The following REST variants were observed in gnomAD, a reference collection of about 807,000 sequenced individuals.
REST encodes the protein RE1 silencing transcription factor, also known as RE1-silencing transcription factor.
Under a neutral mutation model 30.4 loss-of-function variants are expected in REST, and 1 was observed. That is an observed-to-expected ratio of 0.03 (90% CI 0.01 to 0.16). The LOEUF is 0.16. Ranked by LOEUF, REST falls within the 10% of genes least tolerant of loss-of-function variation. REST has a pLI of 1.00. For synonymous variants in REST, 504 were observed against 451.1 expected, an observed-to-expected ratio of 1.12 and a Z score of -1.49; for missense variants, 1,259 against 1,329.5, an observed-to-expected ratio of 0.95 and a Z score of 0.82.
In REST at chr4:56,935,477, C is replaced by G. The variant is rs1458340384; in HGVS notation, c.*3325C>G. The G allele has an allele frequency of 6.6e-6, 1 of 152,166 alleles. No homozygotes were observed. Among genetic ancestry groups the G allele is most frequent in the Non-Finnish European group, 1.5e-5 (1 of 68,030 alleles). The allele number at this position is 152,166 out of a possible 1,614,324, so 9.4% of individuals were successfully genotyped here. ...TTCACATGTGTACATAGGTTCCCTC[C>G]CGGTCCCTTCCATATCCATTAGTTA... On this transcript the variant is annotated 3_prime_UTR_variant, in exon 4 of 4. Coordinates refer to ENST00000309042, the MANE Select transcript of REST (RefSeq NM_005612.5).
Position 56,931,768 on chromosome 4 carries a change from T to G in REST, c.2910T>G (p.Val970=), listed in dbSNP as rs1324999985. Residue 970 remains valine, a synonymous_variant, in exon 4 of 4, where the codon GTT becomes GTG. Transcript: ENST00000309042. ...TAAATTCAACAGTTGAAGAACCAGT[T>G]TCACCAATGCTTCCCCCTTCAGCAG... is the stretch of plus-strand genomic sequence containing the variant. The part of the protein sequence containing the change: ...TGINSTVEEP[V]SPMLPPSAVE... 1.2e-6 allele frequency: 2 copies of G among 1,614,208 alleles called. No homozygotes were observed. The highest frequency in any genetic ancestry group is 1.7e-6 in the Non-Finnish European group (2 of 1,180,036).
At chr4:56,928,093 A>G (rs1720792245) in intron 3 of REST, among the ~76,000 whole-genome samples, 2 of 152,218 alleles carry the variant, frequency 1.3e-5, no homozygotes, top group Non-Finnish European at 2.9e-5. Context: ...TGGAGGGAGT[A>G]TGGGAATTTT....
intron 3 of REST, among the ~76,000 whole-genome samples, chr4:56,929,393 T>G (rs1720862046): frequency 6.6e-6 from 1 of 152,220 alleles, no homozygotes. Context: ...GCTCAAGCAG[T>G]CCTTCTGCCA....
chr4:56,929,243 G>C (rs192518633), intron 3 of REST, among the ~76,000 whole-genome samples: 1 of 151,188 alleles, frequency 6.6e-6, no homozygotes, highest in Non-Finnish European at 1.5e-5. Flanking sequence ...AATTTTTTTT[G>C]TATTTTTAGT....
At position 56,931,599 on chromosome 4, in the gene REST, A is replaced by G. The variant is rs751463729; in HGVS notation, c.2741A>G (p.Asn914Ser). 20 of 1,614,234 alleles carry G rather than the reference A, an allele frequency of 1.2e-5. No individual in the cohort carries two copies. The highest frequency in any genetic ancestry group is 3.3e-4 in the Middle Eastern group (2 of 6,062). The change falls in exon 4 of 4, where the codon AAC (asparagine) becomes AGC (serine). Residue 914 changes from asparagine (N) to serine (S), a missense_variant. Coordinates refer to ENST00000309042, the MANE Select transcript of REST (RefSeq NM_005612.5). The part of the protein sequence containing the change: ...ESLPGLAANI[N>S]ESTHISSSGQ... ...CTACCTGGTCTTGCTGCTAATATCAACGAATCTACCCATATTTCATCCTCT... is the reference window on the plus strand; with the variant it reads ...CTACCTGGTCTTGCTGCTAATATCAGCGAATCTACCCATATTTCATCCTCT...
At chr4:56,912,844 C>A (rs1719996839) in intron 2 of REST, among the ~76,000 whole-genome samples, 1 of 151,938 alleles carries the variant, frequency 6.6e-6, no homozygotes, top group Non-Finnish European at 1.5e-5. Context: ...TGGGGTTTTG[C>A]CATATTGGCC....
At chr4:56,909,007 G>GGCGGTCGGAGAAGCCCGGAC in intron 1 of REST, 1 of 152,064 alleles carries the variant, frequency 6.6e-6, no homozygotes, top group Non-Finnish European at 1.5e-5. Context: ...GGGGCCCGGG[G>GGCGGTCGGAGAAGCCCGGAC]GCGGTCGGAG....
At chr4:56,928,995 C>T (rs929048813) in intron 3 of REST, among the ~76,000 whole-genome samples, 4 of 151,938 alleles carry the variant, frequency 2.6e-5, no homozygotes, top group African/African-American at 9.7e-5. Flanking sequence ...AATTCCTGGG[C>T]TTAAGCGGTC....
rs1232885076 is a variant in REST at position 56,931,481 on chromosome 4, G to T, written c.2623G>T (p.Glu875Ter). The change falls in exon 4 of 4, where the codon GAG (glutamate) becomes TAG (stop). Residue 875 changes from glutamate (E) to a stop codon, truncating the protein, a stop_gained. Coordinates refer to ENST00000309042, the MANE Select transcript of REST (RefSeq NM_005612.5). LOFTEE classifies it low-confidence loss of function (END_TRUNC). ...ACTGCCAAAGGAAAATTTAAGAGAA[G>T]AGGCATCAGGAGACCAAAAATTACT... ...PPLPKENLRE[E>*]ASGDQKLLNT... The T allele has an allele frequency of 6.2e-7, 1 of 1,614,146 alleles. No individual in the cohort carries two copies. Among genetic ancestry groups the T allele is most frequent in the Non-Finnish European group, 8.5e-7 (1 of 1,180,028 alleles).
intron 3 of REST, among the ~76,000 whole-genome samples, chr4:56,924,589 C>T (rs144951227): frequency 2.6e-5 from 4 of 150,988 alleles, no homozygotes; most frequent in African/African-American, 7.3e-5. Context: ...TCCCAAGTAG[C>T]TGGGACCACA....
At chr4:56,917,038 G>A (rs1183068596) in intron 2 of REST, among the ~76,000 whole-genome samples, 1 of 151,564 alleles carries the variant, frequency 6.6e-6, no homozygotes, top group Non-Finnish European at 1.5e-5. Context: ...ATCTGTCTTT[G>A]TGATTACAGC....
chr4:56,921,344 C>T (rs1028107732), intron 3 of REST, among the ~76,000 whole-genome samples: 10 of 152,182 alleles, frequency 6.6e-5, no homozygotes, highest in Non-Finnish European at 5.9e-5. Flanking sequence ...GCTTTCGAAA[C>T]ATTAGTAGTT....
chr4:56,924,837 ATGTAT>A (rs959039170), intron 3 of REST, among the ~76,000 whole-genome samples: 25 of 152,076 alleles, frequency 1.6e-4, no homozygotes, highest in African/African-American at 5.3e-4. Context: ...ATTGCTGGTA[ATGTAT>A]TGTATGCCGC....
Position 56,933,547 on chromosome 4 carries a change from C to G in REST, c.*1395C>G, listed in dbSNP as rs1024092988. On this transcript the variant is annotated 3_prime_UTR_variant, in exon 4 of 4. Coordinates refer to ENST00000309042, the MANE Select transcript of REST (RefSeq NM_005612.5). ...CAGATTTTTTAAAATCATACTTTCTCAGGGATCTCCACAAACTGGTGGGTG... is the reference window on the plus strand; with the variant it reads ...CAGATTTTTTAAAATCATACTTTCTGAGGGATCTCCACAAACTGGTGGGTG... The G allele has an allele frequency of 1.3e-5, 2 of 152,146 alleles. No homozygotes were observed. Among genetic ancestry groups the G allele is most frequent in the Non-Finnish European group, 2.9e-5 (2 of 68,016 alleles). 9.4% of individuals were successfully genotyped at this position (152,146 alleles called of 1,614,324 possible). A position where few individuals can be genotyped will look rare whatever the true frequency, so the allele number is the denominator to read the frequency against.
Position 56,930,354 on chromosome 4 carries a change from T to A in REST, c.1496T>A (p.Val499Glu), listed in dbSNP as rs1323370113. The A allele has an allele frequency of 6.2e-7, 1 of 1,613,574 alleles. No individual in the cohort carries two copies. The highest frequency in any genetic ancestry group is 1.3e-5 in the African/African-American group (1 of 74,822). Residue 499 changes from valine to glutamate, a missense_variant, in exon 4 of 4, where the codon GTG becomes GAG. Transcript: ENST00000309042. ...TTRTRKSVTE[V>E]KEMDVHTGSN... ...AGAACTCGAAAATCAGTAACAGAGGTGAAAGAGATGGATGTGCATACAGGA... is the reference window on the plus strand; with the variant it reads ...AGAACTCGAAAATCAGTAACAGAGGAGAAAGAGATGGATGTGCATACAGGA...
intron 1 of REST, among the ~76,000 whole-genome samples, chr4:56,910,296 G>A (rs973235576): frequency 5.3e-5 from 8 of 152,174 alleles, no homozygotes; most frequent in Admixed American, 1.3e-4. Context: ...AATTTTAACA[G>A]TAAAAATGAA....
Position 56,931,479 on chromosome 4 carries a change from A to T in REST, c.2621A>T (p.Glu874Val). 1 of 1,614,192 alleles carries T rather than the reference A, an allele frequency of 6.2e-7. No individual in the cohort carries two copies. The highest frequency in any genetic ancestry group is 8.5e-7 in the Non-Finnish European group (1 of 1,180,032). Residue 874 changes from glutamate to valine, a missense_variant, in exon 4 of 4, where the codon GAA becomes GTA. Coordinates refer to ENST00000309042, the MANE Select transcript of REST (RefSeq NM_005612.5). ...SPPLPKENLR[E>V]EASGDQKLLN... The stretch of plus-strand genomic sequence containing the variant: ...CCACTGCCAAAGGAAAATTTAAGAG[A>T]AGAGGCATCAGGAGACCAAAAATTA...
intron 3 of REST, among the ~76,000 whole-genome samples, chr4:56,921,190 G>T (rs1471814596): frequency 6.6e-6 from 1 of 152,088 alleles, no homozygotes; most frequent in Non-Finnish European, 1.5e-5. Context: ...TTAGAATACA[G>T]ATTTAGAATG....
In REST at chr4:56,930,713, G is replaced by A. The variant is rs1020026657; in HGVS notation, c.1855G>A (p.Glu619Lys). ...TCCTCAGATGGGGCCTGCTCCCACA[G>A]AGGCGGTTCAGAAGGGGCCCGTTCA... is the stretch of plus-strand genomic sequence containing the variant. ...DPPQMGPAPT[E>K]AVQKGPVQVE... The change falls in exon 4 of 4, where the codon GAG becomes AAG. Residue 619 changes from glutamate to lysine, a missense_variant. By Grantham distance (56) the Glu-to-Lys change is moderately conservative (BLOSUM62 1). Around this residue, in one of 5 missense-constraint regions of REST, gnomAD observed 856 missense variants for 772.8 expected, o/e 1.11. Transcript: ENST00000309042. 1 of 1,605,772 alleles carries A rather than the reference G, an allele frequency of 6.2e-7. No individual in the cohort carries two copies. Among genetic ancestry groups the A allele is most frequent in the Non-Finnish European group, 8.5e-7 (1 of 1,177,958 alleles).
Sources: allele counts gnomAD v4.1 joint callset (sites outside exome capture counted in the v4.1 genomes callset), GRCh38; gene constraint gnomAD v4.1.1; regional missense constraint gnomAD v4.1.1; transcripts MANE v1.5; gene names NCBI Gene and HGNC (gene_info 2026-07-23, HGNC 2026-07-21).